PAPPA: variants seen among roughly 807,000 people sequenced by gnomAD.
PAPPA encodes pappalysin 1.
A neutral mutation model predicts 164.0 loss-of-function variants in PAPPA; 60 were observed. The observed-to-expected ratio is 0.37, with a 90% CI of 0.30 to 0.45. The LOEUF is 0.45. PAPPA is among the 20% of genes least tolerant of loss of function. The probability of loss-of-function intolerance (pLI) is 1.00; values close to 1 mark genes in which losing one functional copy is unlikely to be tolerated. For synonymous variants in PAPPA, 875 were observed against 814.1 expected (o/e 1.07, Z -1.27); for missense variants, 1,782 against 2,087.3 (o/e 0.85, Z 2.85).
At chr9:116,354,478 T>G (rs1038452300) in intron 17 of PAPPA, among the ~76,000 whole-genome samples, 8 of 152,192 alleles carry the variant, frequency 5.3e-5, no homozygotes, top group Non-Finnish European at 1.0e-4. Context: ...TTCACAGGTG[T>G]GCAAGGATCA....
intron 6 of PAPPA, among the ~76,000 whole-genome samples, chr9:116,232,324 G>T (rs550981616): frequency 7.2e-4 from 109 of 152,116 alleles, no homozygotes; most frequent in Non-Finnish European, 1.2e-3. Flanking sequence ...TTGTTAATAC[G>T]TCCCTACTTT....
At chr9:116,265,253 T>C (rs1180767271) in intron 7 of PAPPA, among the ~76,000 whole-genome samples, 1 of 152,138 alleles carries the variant, frequency 6.6e-6, no homozygotes, top group Non-Finnish European at 1.5e-5. Context: ...TCATGAAAAG[T>C]GTTTAGCCTA....
At chr9:116,334,761 A>G in intron 12 of PAPPA, 100 bp from the exon 13 acceptor site, 1 of 779,028 alleles carries the variant, frequency 1.3e-6, no homozygotes, top group Non-Finnish European at 2.1e-6. Flanking sequence ...GTGCAGTGAC[A>G]TGAAAGGGTC....
At chr9:116,283,826 C>A (rs1201932190) in intron 9 of PAPPA, among the ~76,000 whole-genome samples, 3 of 152,128 alleles carry the variant, frequency 2.0e-5, no homozygotes, top group African/African-American at 7.2e-5. Flanking sequence ...AGTCTGAAAT[C>A]CCTTTTCCAT....
intron 2 of PAPPA, among the ~76,000 whole-genome samples, chr9:116,191,805 A>G (rs532996301): frequency 1.2e-4 from 19 of 152,116 alleles, no homozygotes; most frequent in Non-Finnish European, 2.8e-4. Context: ...CAAACAGAAT[A>G]ATTAAGGAGA....
At chr9:116,158,968 CT>C (rs1843633678) in intron 1 of PAPPA, among the ~76,000 whole-genome samples, 1 of 152,224 alleles carries the variant, frequency 6.6e-6, no homozygotes, top group South Asian at 2.1e-4. Flanking sequence ...TATTCACATG[CT>C]CTTCCTTAAC....
At chr9:116,237,910 G>A (rs1301111027) in intron 7 of PAPPA, among the ~76,000 whole-genome samples, 1 of 151,922 alleles carries the variant, frequency 6.6e-6, no homozygotes, top group Non-Finnish European at 1.5e-5. Context: ...AGTAGAGACG[G>A]GGTTTTGCCA....
chr9:116,227,546 G>A lies in PAPPA; in HGVS notation c.2227G>A (p.Ala743Thr), dbSNP rs200314356. The change falls in exon 6 of 22, where the codon GCA becomes ACA. Residue 743 changes from alanine (A) to threonine (T), a missense_variant. This residue lies in a region of PAPPA where 1,324 missense variants were observed against 1,656.9 expected (regional missense o/e 0.80). Transcript: ENST00000328252. ...ATCAGGACACTGGAGCCCTCGTGAA[G>A]CAGAAGGTAAGCCAGCCTTCTGGAA... The part of the protein sequence containing the change: ...SPSGHWSPRE[A>T]EGHPDVEQPC... The A allele has an allele frequency of 6.2e-7, 1 of 1,613,958 alleles. No individual in the cohort carries two copies. The highest frequency in any genetic ancestry group is 8.5e-7 in the Non-Finnish European group (1 of 1,179,950).
At chr9:116,235,065 G>A in intron 6 of PAPPA, 74 bp from the exon 7 acceptor site, 1 of 1,558,914 alleles carries the variant, frequency 6.4e-7, no homozygotes. Context: ...TTTCTCCTGG[G>A]GTCCACAGGA....
chr9:116,302,973 CA>C lies in PAPPA; in HGVS notation c.3147+24del, dbSNP rs748191064. The C allele has an allele frequency of 4.9e-5, 79 of 1,604,604 alleles. No homozygotes were observed. In the African/African-American group the frequency reaches 9.2e-4, roughly 19 times the overall value. ...CAGGTAAGATCCTAACCATGTGTGGCATTTCCTGCAGACATTCAAAGTCTCC... is the reference window on the plus strand; with the variant it reads ...CAGGTAAGATCCTAACCATGTGTGGCTTTCCTGCAGACATTCAAAGTCTCC... On this transcript the variant is annotated intron_variant, in intron 10 of 21. Coordinates refer to ENST00000328252, the MANE Select transcript of PAPPA (RefSeq NM_002581.5).
At chr9:116,384,658 A>G (rs979071287) in intron 21 of PAPPA, among the ~76,000 whole-genome samples, 17 of 152,166 alleles carry the variant, frequency 1.1e-4, no homozygotes, top group Non-Finnish European at 2.4e-4. Context: ...AAATACTTTT[A>G]TAGCTCTAAT....
At chr9:116,372,118 C>T (rs1329335109) in intron 19 of PAPPA, among the ~76,000 whole-genome samples, 2 of 152,136 alleles carry the variant, frequency 1.3e-5, no homozygotes, top group Admixed American at 1.3e-4. Flanking sequence ...ATTAGAGGTA[C>T]AGAGAACTCT....
chr9:116,298,987 T>C (rs779902611), intron 9 of PAPPA, among the ~76,000 whole-genome samples: 3 of 152,204 alleles, frequency 2.0e-5, no homozygotes, highest in Non-Finnish European at 2.9e-5. Context: ...TGTTGCTGTC[T>C]TTGTTTTTTG....
At chr9:116,374,609 T>C (rs1846625628) in intron 19 of PAPPA, among the ~76,000 whole-genome samples, 2 of 152,314 alleles carry the variant, frequency 1.3e-5, no homozygotes, top group South Asian at 2.1e-4. Flanking sequence ...TCACGTCAGG[T>C]AAACCTCAAC....
chr9:116,250,182 A>G (rs1269647527), intron 7 of PAPPA, among the ~76,000 whole-genome samples: 2 of 152,100 alleles, frequency 1.3e-5, no homozygotes, highest in African/African-American at 4.8e-5. Context: ...ACTAATACCT[A>G]TAACGTTACA....
chr9:116,199,813 C>T (rs1564181296), intron 2 of PAPPA, among the ~76,000 whole-genome samples: 1 of 152,112 alleles, frequency 6.6e-6, no homozygotes, highest in Admixed American at 6.6e-5. Context: ...GGGACTCAAA[C>T]TGCTTCCCCT....
At chr9:116,314,937 C>A (rs923456650) in intron 10 of PAPPA, among the ~76,000 whole-genome samples, 2 of 152,152 alleles carry the variant, frequency 1.3e-5, no homozygotes, top group African/African-American at 4.8e-5. Flanking sequence ...CTTTTCATAC[C>A]AAATGACCGG....
chr9:116,211,488 G>T, intron 3 of PAPPA, 151 bp from the exon 4 acceptor site: 1 of 637,678 alleles, frequency 1.6e-6, no homozygotes, highest in Non-Finnish European at 2.8e-6. Flanking sequence ...CATGCCATAG[G>T]TTGTAACAGC....
intron 3 of PAPPA, among the ~76,000 whole-genome samples, chr9:116,210,933 A>G (rs1329345179): frequency 6.6e-6 from 1 of 152,218 alleles, no homozygotes; most frequent in Non-Finnish European, 1.5e-5. Flanking sequence ...ACTTCTTTAG[A>G]TAAGTTAACA....
Sources: gnomAD v4.1 joint callset for allele counts (sites outside exome capture counted in the v4.1 genomes callset) on GRCh38, gnomAD v4.1.1 for gene constraint, gnomAD v4.1.1 regional missense constraint, MANE v1.5 for transcripts, NCBI Gene and HGNC (gene_info 2026-07-23, HGNC 2026-07-21) for gene names.